Variants in FYB2 observed in about 807,000 individuals in gnomAD.
FYB2 encodes FYN-binding protein 2.
FYB2 carries 103 observed loss-of-function variants against 94.1 expected under a neutral mutation model. The observed-to-expected ratio is 1.09, with a 90% CI of 0.93 to 1.29. FYB2 has a LOEUF of 1.29. Among genes scored for constraint, FYB2 ranks in the 50% most tolerant of loss-of-function variants. FYB2 has a pLI of 0.00. For missense variants in FYB2, 896 were observed against 841.5 expected (o/e 1.06, Z -0.80); for synonymous variants, 293 against 287.9 (o/e 1.02, Z -0.18).
chr1:56,725,218 C>T (rs1169651582), intron 16 of FYB2, among the ~76,000 whole-genome samples: 1 of 152,016 alleles, frequency 6.6e-6, no homozygotes, highest in East Asian at 1.9e-4. Context: ...GCAACACAAA[C>T]AGACTAAGAC....
At chr1:56,723,779 A>G (rs1330840536) in intron 16 of FYB2, 98 bp from the exon 17 acceptor site, 5 of 682,154 alleles carry the variant, frequency 7.3e-6, no homozygotes, top group Middle Eastern at 4.1e-4. Context: ...AAATTCAGGT[A>G]TAATTTTTTG....
chr1:56,731,443 G>A (rs879324172), intron 15 of FYB2, among the ~76,000 whole-genome samples: 1 of 152,078 alleles, frequency 6.6e-6, no homozygotes, highest in Admixed American at 6.6e-5. Flanking sequence ...GCCTCCCAAA[G>A]AGCTAGGTTT....
At position 56,789,000 on chromosome 1, in the gene FYB2, C is replaced by A. The variant is rs141104459; in HGVS notation, c.892G>T (p.Ala298Ser). The change falls in exon 3 of 20, where the codon GCT becomes TCT. Residue 298 changes from alanine to serine, a missense_variant. Coordinates refer to ENST00000343433, the MANE Select transcript of FYB2 (RefSeq NM_001004303.5). ...TCCCCCTGAGTCTTGGGAACAGCAG[C>A]TGGCTGCCTCTGAAAGGCCTGGAGG... The part of the protein sequence containing the change: ...VNLQAFQRQP[A>S]AVPKTQGEVT... 4.3e-6 allele frequency: 7 copies of A among 1,613,940 alleles called. No individual in the cohort carries two copies. In the African/African-American group the frequency reaches 9.3e-5, roughly 22 times the overall value.
chr1:56,785,897 C>T (rs371887318), intron 4 of FYB2, among the ~76,000 whole-genome samples: 2 of 152,202 alleles, frequency 1.3e-5, no homozygotes, highest in South Asian at 4.1e-4. Context: ...ACTTTCAGCA[C>T]CCTCCCACTC....
Position 56,737,093 on chromosome 1 carries a change from T to A in FYB2, c.1787A>T (p.Glu596Val). Residue 596 changes from glutamate to valine, a missense_variant, in exon 15 of 20, where the codon GAG becomes GTG. Physicochemically the swap from Glu to Val is moderately radical, Grantham distance 121. Coordinates refer to ENST00000343433, the MANE Select transcript of FYB2 (RefSeq NM_001004303.5). ...IYDDVDLSEK[E>V]SKDEDKLKMW... is the part of the protein sequence containing the mutation. ...AATAAGGTAAATTACTTACTTTGAC[T>A]CTTTTTCACTCAGGTCTACATCATC... The A allele has an allele frequency of 6.2e-7, 1 of 1,602,344 alleles. No homozygotes were observed. The highest frequency in any genetic ancestry group is 1.3e-5 in the African/African-American group (1 of 74,612).
At chr1:56,823,396 A>G (rs935538235), upstream of FYB2, among the ~76,000 whole-genome samples, 12 of 152,220 alleles carry the variant, frequency 7.9e-5, no homozygotes, top group African/African-American at 2.9e-4. Context: ...TAATCAGGAC[A>G]GAAACATGGG....
chr1:56,810,392 T>C, intron 1 of FYB2, among the ~76,000 whole-genome samples: 1 of 142,966 alleles, frequency 7.0e-6, no homozygotes, highest in Non-Finnish European at 1.5e-5. Context: ...CCTCTTCCCC[T>C]CACTCCCCTG....
At chr1:56,826,192 G>A in the FYB2 span, among the ~76,000 whole-genome samples, 4 of 152,284 alleles carry the variant, frequency 2.6e-5, no homozygotes, top group East Asian at 7.7e-4. Context: ...CCCCTCTATG[G>A]GGGGTTGTAG....
intron 5 of FYB2, among the ~76,000 whole-genome samples, chr1:56,762,726 A>G (rs909660271): frequency 6.6e-6 from 1 of 152,086 alleles, no homozygotes; most frequent in Admixed American, 6.5e-5. Context: ...TATACATTTT[A>G]TTTCCTTTGC....
intron 7 of FYB2, among the ~76,000 whole-genome samples, chr1:56,754,986 C>T (rs1338690180): frequency 6.6e-6 from 1 of 152,032 alleles, no homozygotes. Flanking sequence ...CCAGCTAAAG[C>T]AGGTTTTCTC....
intron 15 of FYB2, 106 bp from the exon 16 acceptor site, chr1:56,726,689 A>G: frequency 2.3e-6 from 2 of 860,276 alleles, no homozygotes; most frequent in Non-Finnish European, 3.5e-6. Flanking sequence ...TTAAAAAGTC[A>G]TCTAGAAATA....
At position 56,804,778 on chromosome 1, in the gene FYB2, A is replaced by C. The variant is rs149191045; in HGVS notation, c.10-11975T>G. ...AAATAAATAAATAAAGTGCAGGTTC[A>C]ATCACGCCACTCCTCTGCTTAAAAT... On this transcript the variant is annotated intron_variant, in intron 1 of 19. Transcript: ENST00000343433. Among the ~76,000 whole-genome samples the C allele has an allele frequency of 2.9e-3, 439 of 152,180 alleles. 2 individuals are homozygous for C. The highest frequency in any genetic ancestry group is 0.01 in the African/African-American group (427 of 41,544).
At chr1:56,762,675 C>T (rs976743699) in intron 5 of FYB2, among the ~76,000 whole-genome samples, 1 of 152,036 alleles carries the variant, frequency 6.6e-6, no homozygotes, top group Non-Finnish European at 1.5e-5. Context: ...GATAATCATG[C>T]CACTGTGAAT....
chr1:56,805,658 C>G (rs6588651), intron 1 of FYB2, among the ~76,000 whole-genome samples: 29,628 of 152,108 alleles, frequency 0.19, 3,640 homozygotes, highest in Non-Finnish European at 0.27. Flanking sequence ...ATCTTGAATT[C>G]CCACATGTTG....
At chr1:56,793,659 A>T (rs1646326748) in intron 1 of FYB2, among the ~76,000 whole-genome samples, 1 of 150,428 alleles carries the variant, frequency 6.6e-6, no homozygotes, top group Non-Finnish European at 1.5e-5. Context: ...GGAATCATTC[A>T]TACACTAAAC....
At chr1:56,781,356 A>C (rs1226851923) in intron 4 of FYB2, among the ~76,000 whole-genome samples, 8 of 151,490 alleles carry the variant, frequency 5.3e-5, no homozygotes, top group Admixed American at 3.3e-4. Flanking sequence ...CTCACATCTC[A>C]CTCCCCACAG....
chr1:56,786,139 C>T (rs981756277), intron 4 of FYB2, among the ~76,000 whole-genome samples: 1 of 152,152 alleles, frequency 6.6e-6, no homozygotes, highest in Admixed American at 6.5e-5. Context: ...GTTAAGCTTC[C>T]CCTCAACATG....
intron 5 of FYB2, among the ~76,000 whole-genome samples, chr1:56,760,498 G>A (rs1645466059): frequency 6.6e-6 from 1 of 152,092 alleles, no homozygotes; most frequent in African/African-American, 2.4e-5. Flanking sequence ...TTAGGTAATT[G>A]TACACTTATT....
chr1:56,772,879 A>AT (rs540602640), intron 4 of FYB2, among the ~76,000 whole-genome samples: 5 of 152,194 alleles, frequency 3.3e-5, no homozygotes, highest in Non-Finnish European at 7.4e-5. Flanking sequence ...GAAATATTGT[A>AT]TTTTAAAATA....
Sources: allele counts gnomAD v4.1 joint callset (sites outside exome capture counted in the v4.1 genomes callset), GRCh38; gene constraint gnomAD v4.1.1; transcripts MANE v1.5; gene names NCBI Gene and HGNC (gene_info 2026-07-23, HGNC 2026-07-21).